The following HIKESHI variants were observed in gnomAD, a reference collection of about 807,000 sequenced individuals.
The protein encoded by HIKESHI is heat shock protein nuclear import factor hikeshi.
HIKESHI carries 13 observed loss-of-function variants against 25.7 expected under a neutral mutation model. The observed-to-expected ratio is 0.51, with a 90% CI of 0.33 to 0.80. The LOEUF (loss-of-function observed/expected upper bound fraction) is 0.80, where lower values mean the gene tolerates loss of function less well. Ranked by LOEUF, HIKESHI falls within the 30% of genes least tolerant of loss-of-function variation. The pLI, the probability that HIKESHI is intolerant of heterozygous loss-of-function variation, is 0.02. For synonymous variants in HIKESHI, 76 were observed against 78.7 expected, an observed-to-expected ratio of 0.97 and a Z score of 0.18; for missense variants, 174 against 229.5, an observed-to-expected ratio of 0.76 and a Z score of 1.56.
intron 3 of HIKESHI, among the ~76,000 whole-genome samples, chr11:86,339,261 G>A (rs1433643117): frequency 2.0e-5 from 3 of 152,094 alleles, no homozygotes; most frequent in South Asian, 2.1e-4. Flanking sequence ...TGTTAGCCAC[G>A]ATGGTCTCGA....
At chr11:86,305,134 G>A (rs1946589934) in intron 1 of HIKESHI, among the ~76,000 whole-genome samples, 1 of 152,016 alleles carries the variant, frequency 6.6e-6, no homozygotes, top group Admixed American at 6.6e-5. Flanking sequence ...CGAGTAGCTG[G>A]GACCAAAGGC....
At chr11:86,325,957 T>C (rs929696207) in intron 2 of HIKESHI, among the ~76,000 whole-genome samples, 20 of 151,970 alleles carry the variant, frequency 1.3e-4, no homozygotes, top group African/African-American at 4.6e-4. Flanking sequence ...CTTACAGTTT[T>C]GGCTTCAGAT....
At chr11:86,308,559 T>TTTTA (rs71468999) in intron 2 of HIKESHI, among the ~76,000 whole-genome samples, 10 of 142,534 alleles carry the variant, frequency 7.0e-5, no homozygotes, top group East Asian at 2.0e-4. Flanking sequence ...CCATAATTCT[T>TTTTA]TTTATTTATT....
chr11:86,306,355 T>G lies in HIKESHI; in HGVS notation c.141T>G (p.Pro47=). 1 of 1,613,818 alleles carries G rather than the reference T, an allele frequency of 6.2e-7. No homozygotes were observed. The highest frequency in any genetic ancestry group is 8.5e-7 in the Non-Finnish European group (1 of 1,179,696). The change falls in exon 2 of 5, where the codon CCT becomes CCG. Residue 47 remains proline, a synonymous_variant. Coordinates refer to ENST00000278483, the MANE Select transcript of HIKESHI (RefSeq NM_016401.4). ...VVFMLGTIPF[P]EGMGGSVYFS... Reference sequence around the variant, plus strand: ...TTATGCTGGGAACAATCCCATTTCCTGAGGGAATGGGAGGATCTGTCTACT... The same window carrying G: ...TTATGCTGGGAACAATCCCATTTCCGGAGGGAATGGGAGGATCTGTCTACT...
At position 86,328,265 on chromosome 11, in the gene HIKESHI, CT is replaced by C. The variant is rs897214732; in HGVS notation, c.269-9103del. ...AGAAAACAACATTTACATTTCTTTT[CT>C]TTTTTTTTTTGAGATGGAGTCTCAC... On this transcript the variant is annotated intron_variant, in intron 2 of 4. Coordinates refer to ENST00000278483, the MANE Select transcript of HIKESHI (RefSeq NM_016401.4). Among the ~76,000 whole-genome samples, 389 of 145,626 alleles carry C rather than the reference CT, an allele frequency of 2.7e-3. 1 individual carries two copies. The highest frequency in any genetic ancestry group is 3.6e-3 in the Non-Finnish European group (240 of 65,844).
intron 2 of HIKESHI, among the ~76,000 whole-genome samples, chr11:86,327,729 T>C (rs1947319871): frequency 6.6e-6 from 1 of 152,238 alleles, no homozygotes. Flanking sequence ...GTATATGTTA[T>C]ATGGCAATAC....
intron 2 of HIKESHI, among the ~76,000 whole-genome samples, chr11:86,324,546 A>C (rs1291754780): frequency 6.6e-6 from 1 of 152,244 alleles, no homozygotes. Flanking sequence ...GTTGTTTGGA[A>C]AACTTTTTGA....
At chr11:86,326,962 G>A (rs1249406483) in intron 2 of HIKESHI, among the ~76,000 whole-genome samples, 1 of 152,130 alleles carries the variant, frequency 6.6e-6, no homozygotes, top group African/African-American at 2.4e-5. Flanking sequence ...ATGGTGGCGT[G>A]TGCCTATAGT....
At chr11:86,328,799 A>G (rs1253186687) in intron 2 of HIKESHI, among the ~76,000 whole-genome samples, 2 of 149,260 alleles carry the variant, frequency 1.3e-5, no homozygotes, top group Non-Finnish European at 3.0e-5. Context: ...CTGGTCTTGA[A>G]CTCCTGGTCT....
chr11:86,309,186 A>G (rs1463719621), intron 2 of HIKESHI, among the ~76,000 whole-genome samples: 1 of 152,152 alleles, frequency 6.6e-6, no homozygotes, highest in African/African-American at 2.4e-5. Flanking sequence ...AGTCCCACCA[A>G]GAGTGTAAAA....
intron 2 of HIKESHI, among the ~76,000 whole-genome samples, chr11:86,331,575 G>A (rs1460700113): frequency 6.6e-6 from 1 of 152,152 alleles, no homozygotes; most frequent in Non-Finnish European, 1.5e-5. Flanking sequence ...CCACATTAGG[G>A]TGTAAGCTCT....
chr11:86,315,526 G>A (rs1946953967), intron 2 of HIKESHI, among the ~76,000 whole-genome samples: 1 of 152,020 alleles, frequency 6.6e-6, no homozygotes, highest in South Asian at 2.1e-4. Flanking sequence ...TCACCATGTT[G>A]GTCAGGCTGG....
chr11:86,334,227 T>C (rs1316000036), intron 2 of HIKESHI, among the ~76,000 whole-genome samples: 1 of 147,516 alleles, frequency 6.8e-6, no homozygotes, highest in Non-Finnish European at 1.5e-5. Context: ...TCAACATTCT[T>C]TGTAAAATAT....
intron 3 of HIKESHI, among the ~76,000 whole-genome samples, chr11:86,338,644 G>A (rs985247974): frequency 7.2e-5 from 11 of 152,186 alleles, no homozygotes; most frequent in South Asian, 2.1e-4. Context: ...TACCAGAGGC[G>A]CACTTTTGAA....
chr11:86,337,348 G>C lies in HIKESHI; in HGVS notation c.269-31G>C, dbSNP rs1367746392. On this transcript the variant is annotated intron_variant, in intron 2 of 4. Coordinates refer to ENST00000278483, the MANE Select transcript of HIKESHI (RefSeq NM_016401.4). The stretch of plus-strand genomic sequence containing the variant: ...AATTGTGTGACTACAAGTTTAATTT[G>C]AAATGTGTGTCATATGTTAATTTCT... 4 of 1,590,640 alleles carry C rather than the reference G, an allele frequency of 2.5e-6. 1 individual carries two copies. The highest frequency in any genetic ancestry group is 3.4e-6 in the Non-Finnish European group (4 of 1,169,652).
At chr11:86,305,657 C>T (rs563507088) in intron 1 of HIKESHI, among the ~76,000 whole-genome samples, 27 of 152,150 alleles carry the variant, frequency 1.8e-4, no homozygotes, top group African/African-American at 6.0e-4. Flanking sequence ...GGATTACAGC[C>T]GTGAGCCACC....
intron 2 of HIKESHI, chr11:86,326,564 G>A (rs1445367225): frequency 4.4e-6 from 2 of 456,058 alleles, no homozygotes; most frequent in East Asian, 6.9e-5. Context: ...GCATGTGTGT[G>A]TGAATATTAA....
intron 2 of HIKESHI, among the ~76,000 whole-genome samples, chr11:86,332,502 T>C (rs1258443685): frequency 1.3e-5 from 2 of 152,216 alleles, no homozygotes; most frequent in Non-Finnish European, 2.9e-5. Context: ...CATTTTATCT[T>C]GCAATTACCA....
intron 3 of HIKESHI, 45 bp from the exon 4 acceptor site, chr11:86,344,558 A>T (rs1188794126): frequency 2.7e-6 from 3 of 1,094,206 alleles, no homozygotes; most frequent in Non-Finnish European, 2.7e-6. Flanking sequence ...TGAGTTCTAA[A>T]TGAAGTATTC....
Sources: gnomAD v4.1 joint callset for allele counts (sites outside exome capture counted in the v4.1 genomes callset) on GRCh38, gnomAD v4.1.1 for gene constraint, MANE v1.5 for transcripts, NCBI Gene and HGNC (gene_info 2026-07-23, HGNC 2026-07-21) for gene names.